The following ETS1 variants were observed in gnomAD, a reference collection of about 807,000 sequenced individuals.
The protein encoded by ETS1 is protein C-ets-1.
Under a neutral mutation model 58.6 loss-of-function variants are expected in ETS1, and 15 were observed. That is an observed-to-expected ratio of 0.26 (90% CI 0.17 to 0.39). ETS1 has a LOEUF of 0.39. Ranked by LOEUF, ETS1 falls within the 10% of genes least tolerant of loss-of-function variation. The pLI is 1.00. For missense variants in ETS1, 417 were observed against 610.5 expected, an observed-to-expected ratio of 0.68 and a Z score of 3.34; for synonymous variants, 214 against 218.2, an observed-to-expected ratio of 0.98 and a Z score of 0.17.
intron 3 of ETS1, among the ~76,000 whole-genome samples, chr11:128,545,443 ATTAG>A (rs1864119871): frequency 6.6e-6 from 1 of 152,222 alleles, no homozygotes; most frequent in African/African-American, 2.4e-5. Flanking sequence ...GCCTCCCAGA[ATTAG>A]TTAGGCTTCT....
chr11:128,582,094 G>A (rs1232693784), intron 1 of ETS1, among the ~76,000 whole-genome samples: 1 of 152,150 alleles, frequency 6.6e-6, no homozygotes, highest in Non-Finnish European at 1.5e-5. Flanking sequence ...CTTATATAAA[G>A]AGGGATTGTG....
At chr11:128,521,950 C>T (rs1400849028) in intron 3 of ETS1, 2 of 1,607,740 alleles carry the variant, frequency 1.2e-6, no homozygotes, top group Non-Finnish European at 8.5e-7. Context: ...CTTTTTCCGT[C>T]TTGATGATGG....
intron 2 of ETS1, among the ~76,000 whole-genome samples, chr11:128,566,519 C>G (rs1864498073): frequency 7.2e-5 from 11 of 152,162 alleles, no homozygotes; most frequent in Admixed American, 7.2e-4. Flanking sequence ...CGCAGTGGCT[C>G]ACACCTGTAA....
intron 3 of ETS1, among the ~76,000 whole-genome samples, chr11:128,508,581 G>A (rs900643799): frequency 2.0e-5 from 3 of 152,104 alleles, no homozygotes; most frequent in Non-Finnish European, 2.9e-5. Context: ...CACCCTAAAT[G>A]TAAATCCCTC....
At chr11:128,545,316 C>T (rs903776281) in intron 3 of ETS1, among the ~76,000 whole-genome samples, 4 of 152,086 alleles carry the variant, frequency 2.6e-5, no homozygotes, top group Non-Finnish European at 5.9e-5. Context: ...ATTCTTATCC[C>T]GGAGGTGGGC....
intron 3 of ETS1, among the ~76,000 whole-genome samples, chr11:128,553,173 C>A (rs571718208): frequency 1.6e-4 from 25 of 152,306 alleles, no homozygotes; most frequent in Non-Finnish European, 2.8e-4. Context: ...AACACCAGCA[C>A]TCAGCCCCAT....
At chr11:128,498,104 G>A (rs1240025632) in intron 3 of ETS1, among the ~76,000 whole-genome samples, 2 of 152,150 alleles carry the variant, frequency 1.3e-5, no homozygotes, top group Non-Finnish European at 2.9e-5. Flanking sequence ...GATGAAGCTC[G>A]CTTTCATTCT....
chr11:128,462,301 C>T lies in ETS1; in HGVS notation c.*60G>A. On this transcript the variant is annotated 3_prime_UTR_variant, in exon 10 of 10. Transcript: ENST00000392668. ...GAATAACAATTCAAAATTCAGAGTC[C>T]AACCAACACGGCTGTCCTTGGAAGG... is the stretch of plus-strand genomic sequence containing the variant. 2 of 1,334,050 alleles carry T rather than the reference C, an allele frequency of 1.5e-6. No individual in the cohort carries two copies. Among genetic ancestry groups the T allele is most frequent in the Non-Finnish European group, 2.1e-6 (2 of 940,596 alleles). 82.6% of individuals were successfully genotyped at this position (1,334,050 alleles called of 1,614,324 possible). A position where few individuals can be genotyped will look rare whatever the true frequency, so the allele number is the denominator to read the frequency against.
rs1268006492 is a variant in ETS1 at position 128,480,300 on chromosome 11, G to A, written c.1014C>T (p.Ala338=). The stretch of plus-strand genomic sequence containing the variant: ...TGCCCTTGGGCTTGTGGTTGGGCAG[G>A]GCAGCCGGATAGTCCTCTGAGTCGA... ...DSFDSEDYPA[A]LPNHKPKGTF... is the part of the protein sequence containing the mutation. Residue 338 remains alanine (A), a synonymous_variant, in exon 8 of 10, where the codon GCC becomes GCT. Transcript: ENST00000392668. The A allele has an allele frequency of 2.5e-6, 4 of 1,614,094 alleles. No homozygotes were observed. Among genetic ancestry groups the A allele is most frequent in the Non-Finnish European group, 3.4e-6 (4 of 1,180,018 alleles).
intron 1 of ETS1, among the ~76,000 whole-genome samples, chr11:128,585,147 A>G (rs1864985023): frequency 8.6e-5 from 4 of 46,688 alleles, no homozygotes; most frequent in African/African-American, 5.2e-4. Flanking sequence ...AAAGAAAGAA[A>G]GAAAGAAAGA....
At chr11:128,586,454 A>G (rs1406876095) in intron 1 of ETS1, among the ~76,000 whole-genome samples, 2 of 152,354 alleles carry the variant, frequency 1.3e-5, no homozygotes, top group Admixed American at 6.5e-5. Flanking sequence ...ATAGGCCACC[A>G]AACCCAAAAC....
In ETS1 at chr11:128,463,707, A is replaced by T; in HGVS notation, c.1124-80T>A. The T allele has an allele frequency of 3.8e-6, 3 of 785,660 alleles. No homozygotes were observed. Among genetic ancestry groups the T allele is most frequent in the Non-Finnish European group, 6.8e-6 (3 of 440,204 alleles). The allele number at this position is 785,660 out of a possible 1,614,324, so 48.7% of individuals were successfully genotyped here. A position where few individuals can be genotyped will look rare whatever the true frequency, so the allele number is the denominator to read the frequency against. ...GCTAATCCCCACACACGGCACTCCC[A>T]CATCCCTCTTCTCTCAGCCCATCCA... On this transcript the variant is annotated intron_variant, in intron 8 of 9. Coordinates refer to ENST00000392668, the MANE Select transcript of ETS1 (RefSeq NM_001143820.2). The surrounding 1 kb of genome is among the most constrained non-coding windows in gnomAD (Gnocchi z 4.1).
At chr11:128,505,420 A>T (rs1863202289) in intron 3 of ETS1, 1 of 152,254 alleles carries the variant, frequency 6.6e-6, no homozygotes, top group South Asian at 2.1e-4. Context: ...GTCGGAATGC[A>T]GAGACCTAAG....
chr11:128,554,638 T>G (rs998247119), intron 3 of ETS1, among the ~76,000 whole-genome samples: 4 of 151,966 alleles, frequency 2.6e-5, no homozygotes, highest in African/African-American at 4.8e-5. Context: ...AGAAGAGACA[T>G]TCTGATCTTC....
chr11:128,506,519 C>CG (rs1393208632), intron 3 of ETS1, among the ~76,000 whole-genome samples: 1 of 152,052 alleles, frequency 6.6e-6, no homozygotes, highest in African/African-American at 2.4e-5. Flanking sequence ...AGTGAACTAG[C>CG]GGGGTCCAGA....
At chr11:128,519,427 T>C (rs1216440238) in intron 3 of ETS1, among the ~76,000 whole-genome samples, 4 of 152,182 alleles carry the variant, frequency 2.6e-5, no homozygotes, top group African/African-American at 7.2e-5. Flanking sequence ...TCTCCACACA[T>C]AAGAAACTAA....
rs1861884007 is a variant in ETS1 at position 128,460,619 on chromosome 11, CACTTTTCCTCACTAGTTAGATGTTG to C, written c.*1717_*1741del. ...TGAGGGAGATTCTAATTGTATTAGG[CACTTTTCCTCACTAGTTAGATGTTG>C]ACTTTTCCTCTAAAACTCCATTTTC... On this transcript the variant is annotated 3_prime_UTR_variant, in exon 10 of 10. Coordinates refer to ENST00000392668, the MANE Select transcript of ETS1 (RefSeq NM_001143820.2). 1 of 152,290 alleles carries C rather than the reference CACTTTTCCTCACTAGTTAGATGTTG, an allele frequency of 6.6e-6. No individual in the cohort carries two copies. The highest frequency in any genetic ancestry group is 2.4e-5 in the African/African-American group (1 of 41,420). The allele number at this position is 152,290 out of a possible 1,614,324, so 9.4% of individuals were successfully genotyped here. A position where few individuals can be genotyped will look rare whatever the true frequency, so the allele number is the denominator to read the frequency against.
At chr11:128,529,514 A>G (rs1243670679) in intron 3 of ETS1, among the ~76,000 whole-genome samples, 2 of 152,222 alleles carry the variant, frequency 1.3e-5, no homozygotes, top group Non-Finnish European at 2.9e-5. Flanking sequence ...ACTAATGGGT[A>G]ATCAAGATGT....
At position 128,585,185 on chromosome 11, in the gene ETS1, A is replaced by AGAAG. The variant is rs746487356; in HGVS notation, c.-15+2299_-15+2302dup. Among the ~76,000 whole-genome samples the AGAAG allele has an allele frequency of 1.2e-4, 4 of 33,058 alleles. 1 individual carries two copies. Among genetic ancestry groups the AGAAG allele is most frequent in the Non-Finnish European group, 2.2e-4 (4 of 18,430 alleles). The allele number at this position is 33,058 out of a possible 152,430, so 21.7% of individuals were successfully genotyped here. ...GAAAGAAAGAGAAAGAAAGAAAGAA[A>AGAAG]GAAGGAAGGAAAGAAAGAAAGAAAG... On this transcript the variant is annotated intron_variant, in intron 1 of 9. Coordinates refer to ENST00000392668, the MANE Select transcript of ETS1 (RefSeq NM_001143820.2).
Sources: allele counts gnomAD v4.1 joint callset (sites outside exome capture counted in the v4.1 genomes callset), GRCh38; gene constraint gnomAD v4.1.1; non-coding constraint Gnocchi (gnomAD v3.1); transcripts MANE v1.5; gene names NCBI Gene and HGNC (gene_info 2026-07-23, HGNC 2026-07-21).